The following ABCD3 variants were observed in gnomAD, a reference collection of about 807,000 sequenced individuals.
ABCD3 encodes the protein ATP binding cassette subfamily D member 3.
Under a neutral mutation model 105.5 loss-of-function variants are expected in ABCD3, and 41 were observed. The ratio of observed to expected loss-of-function variants is 0.39; its 90% CI spans 0.30 to 0.50. The LOEUF is 0.50. Among genes scored for constraint, ABCD3 ranks in the 20% least tolerant of loss-of-function variants. The pLI is 0.84. For missense variants in ABCD3, 622 were observed against 806.3 expected (o/e 0.77, Z 2.77); for synonymous variants, 258 against 269.0 (o/e 0.96, Z 0.40).
intron 1 of ABCD3, among the ~76,000 whole-genome samples, chr1:94,430,054 G>T (rs756368582): frequency 1.3e-5 from 2 of 152,254 alleles, no homozygotes; most frequent in Non-Finnish European, 2.9e-5. Flanking sequence ...AGTGTGACCT[G>T]TATGTGAGAC....
At chr1:94,503,024 T>C (rs1464851680) in intron 20 of ABCD3, among the ~76,000 whole-genome samples, 3 of 152,190 alleles carry the variant, frequency 2.0e-5, no homozygotes, top group Admixed American at 2.0e-4. Flanking sequence ...TCATAAACTT[T>C]CTTAAAATCT....
intron 1 of ABCD3, among the ~76,000 whole-genome samples, chr1:94,428,969 A>G (rs1659573970): frequency 6.6e-6 from 1 of 152,010 alleles, no homozygotes; most frequent in Non-Finnish European, 1.5e-5. Flanking sequence ...GAAATTTGGA[A>G]CTCCCTAGAG....
At chr1:94,446,707 C>T (rs192114048) in intron 1 of ABCD3, among the ~76,000 whole-genome samples, 16 of 152,292 alleles carry the variant, frequency 1.1e-4, no homozygotes, top group African/African-American at 3.8e-4. Context: ...CAGGAGCGGA[C>T]ATTTCAATCA....
At chr1:94,480,678 C>T in intron 9 of ABCD3, 72 bp downstream of exon 9, 1 of 1,529,436 alleles carries the variant, frequency 6.5e-7, no homozygotes, top group Non-Finnish European at 9.0e-7. Flanking sequence ...AAATTGACTC[C>T]AAAAAGTCTA....
intron 21 of ABCD3, among the ~76,000 whole-genome samples, chr1:94,511,446 T>C (rs927342382): frequency 2.0e-5 from 3 of 152,134 alleles, no homozygotes; most frequent in African/African-American, 2.4e-5. Flanking sequence ...ATTTCAACTT[T>C]GGTGAATCTG....
At chr1:94,483,939 A>G (rs1372012263) in intron 10 of ABCD3, among the ~76,000 whole-genome samples, 1 of 152,208 alleles carries the variant, frequency 6.6e-6, no homozygotes, top group East Asian at 1.9e-4. Context: ...ACTTAAACAA[A>G]TTTACAAGAA....
chr1:94,485,312 G>A (rs1235652656), intron 10 of ABCD3, among the ~76,000 whole-genome samples: 1 of 152,120 alleles, frequency 6.6e-6, no homozygotes, highest in Non-Finnish European at 1.5e-5. Context: ...TGGACATGAT[G>A]GATAAAATCT....
chr1:94,441,167 A>G (rs1340937955), intron 1 of ABCD3, among the ~76,000 whole-genome samples: 1 of 152,252 alleles, frequency 6.6e-6, no homozygotes, highest in Non-Finnish European at 1.5e-5. Flanking sequence ...ACCCACCATA[A>G]CAAAAGACAA....
At chr1:94,477,697 T>C (rs772722700) in intron 7 of ABCD3, among the ~76,000 whole-genome samples, 26 of 67,620 alleles carry the variant, frequency 3.8e-4, no homozygotes, top group Non-Finnish European at 1.0e-3. Flanking sequence ...GTTGTCTCTG[T>C]GTGTAAAGAG....
chr1:94,484,773 C>T (rs1249626914), intron 10 of ABCD3, among the ~76,000 whole-genome samples: 1 of 151,928 alleles, frequency 6.6e-6, no homozygotes, highest in African/African-American at 2.4e-5. Flanking sequence ...TACCCTAGAA[C>T]TTAAAGTATA....
At chr1:94,473,878 G>A in intron 5 of ABCD3, 43 bp downstream of exon 5, 1 of 1,480,620 alleles carries the variant, frequency 6.8e-7, no homozygotes, top group Non-Finnish European at 9.4e-7. Context: ...CGGGAAATTT[G>A]CATCTTATTA....
At chr1:94,494,725 TCC>T (rs1649712760) in intron 16 of ABCD3, among the ~76,000 whole-genome samples, 1 of 152,132 alleles carries the variant, frequency 6.6e-6, no homozygotes, top group African/African-American at 2.4e-5. Flanking sequence ...CATTATAAAC[TCC>T]CCAGTACAGA....
At chr1:94,389,602 G>C in the ABCD3 span, among the ~76,000 whole-genome samples, 2 of 152,200 alleles carry the variant, frequency 1.3e-5, no homozygotes. Context: ...CTGGCTTGCT[G>C]TCAGTAACTA....
At chr1:94,436,194 C>G (rs977685493) in intron 1 of ABCD3, among the ~76,000 whole-genome samples, 1 of 152,144 alleles carries the variant, frequency 6.6e-6, no homozygotes, top group Non-Finnish European at 1.5e-5. Flanking sequence ...TGGACAGAGC[C>G]ACGATATGCA....
the ABCD3 span, among the ~76,000 whole-genome samples, chr1:94,402,329 A>G: frequency 5.9e-5 from 9 of 152,202 alleles, no homozygotes; most frequent in Non-Finnish European, 1.0e-4. Context: ...TAATTTATCA[A>G]AAGTTACAAA....
intron 10 of ABCD3, among the ~76,000 whole-genome samples, chr1:94,483,889 A>G (rs1280743381): frequency 2.6e-5 from 4 of 152,178 alleles, no homozygotes; most frequent in East Asian, 1.9e-4. Context: ...TTTGCAATCT[A>G]CCCATCTGAC....
chr1:94,396,570 CTG>C, the ABCD3 span, among the ~76,000 whole-genome samples: 2 of 151,614 alleles, frequency 1.3e-5, no homozygotes, highest in Non-Finnish European at 2.9e-5. Flanking sequence ...ATTCCACAAA[CTG>C]TTCCTCATGT....
rs538127514 is a variant in ABCD3 at position 94,466,888 on chromosome 1, A to C, written c.247-1031A>C. Among the ~76,000 whole-genome samples the C allele has an allele frequency of 3.0e-4, 46 of 152,294 alleles. No individual in the cohort carries two copies. In the Middle Eastern group the frequency reaches 0.02, roughly 68 times the overall value. ...ATTTGGCCAGCTTCCCACCCTCTGC[A>C]GGCCTTCTTCCCTTACTTTAACTTC... On this transcript the variant is annotated intron_variant, in intron 3 of 22. Coordinates refer to ENST00000370214, the MANE Select transcript of ABCD3 (RefSeq NM_002858.4).
At chr1:94,392,043 G>C in the ABCD3 span, among the ~76,000 whole-genome samples, 2 of 152,102 alleles carry the variant, frequency 1.3e-5, no homozygotes, top group Non-Finnish European at 2.9e-5. Context: ...TTTTTCTTTA[G>C]ATTTAGTTCT....
Sources: allele counts gnomAD v4.1 joint callset (sites outside exome capture counted in the v4.1 genomes callset), GRCh38; gene constraint gnomAD v4.1.1; transcripts MANE v1.5; gene names NCBI Gene and HGNC (gene_info 2026-07-23, HGNC 2026-07-21).